NT5DC2: variants seen among roughly 807,000 people sequenced by gnomAD.
The protein encoded by NT5DC2 is 5'-nucleotidase domain containing 2.
NT5DC2 carries 41 observed loss-of-function variants against 70.0 expected under a neutral mutation model. That is an observed-to-expected ratio of 0.59 (90% CI 0.46 to 0.76). The LOEUF (loss-of-function observed/expected upper bound fraction) is 0.76. Ranked by LOEUF, NT5DC2 falls within the 30% of genes least tolerant of loss-of-function variation. NT5DC2 has a pLI of 0.00. For missense variants in NT5DC2, 705 were observed against 783.2 expected (o/e 0.90, Z 1.19); for synonymous variants, 299 against 310.4 (o/e 0.96, Z 0.39).
intron 9 of NT5DC2, 103 bp downstream of exon 9, chr3:52,527,513 TG>T: frequency 6.9e-7 from 1 of 1,459,790 alleles, no homozygotes; most frequent in African/African-American, 1.4e-5. Flanking sequence ...CCAAGCACAT[TG>T]GGCAGTGGGC....
Position 52,524,665 on chromosome 3 carries a change from G to A in NT5DC2, c.1479C>T (p.Thr493=). Residue 493 remains threonine (T), a synonymous_variant, in exon 14 of 14, where the codon ACC becomes ACT. Transcript: ENST00000422318. ...AGCGCACGAGGCGCCTTGAGAAGTA[G>A]GTGGGGTTGTGGAAGGTGCGGAAGA... The part of the protein sequence containing the change: ...GSIFRTFHNP[T]YFSRRLVRFS... The A allele has an allele frequency of 6.2e-7, 1 of 1,613,040 alleles. No homozygotes were observed.
rs2079303868 is a variant in NT5DC2, at chr3:52,528,010, T to G, written c.832+3A>C. Reference sequence around the variant, plus strand: ...CCACGGCAGGGCTTCTGTCCACACTTACCCATGTCCTGCTCGATCCACTGG... The same window carrying G: ...CCACGGCAGGGCTTCTGTCCACACTGACCCATGTCCTGCTCGATCCACTGG... On this transcript the variant is annotated splice_donor_region_variant and intron_variant, in intron 7 of 13. Transcript: ENST00000422318. 1 of 1,612,464 alleles carries G rather than the reference T, an allele frequency of 6.2e-7. No homozygotes were observed. The highest frequency in any genetic ancestry group is 8.5e-7 in the Non-Finnish European group (1 of 1,179,688).
In NT5DC2 at chr3:52,527,372, A is replaced by G. The variant is rs754399328; in HGVS notation, c.1041T>C (p.Pro347=). Residue 347 remains proline (P), a synonymous_variant, in exon 10 of 14, where the codon CCT becomes CCC. Transcript: ENST00000422318. The part of the protein sequence containing the change: ...KPSFFTDRRK[P]FRKLDEKGSL... ...AGCCCTTCTCATCGAGTTTTCTGAAAGGCCTGGGGTGCAGGTAAAGGGCAT... is the reference window on the plus strand; with the variant it reads ...AGCCCTTCTCATCGAGTTTTCTGAAGGGCCTGGGGTGCAGGTAAAGGGCAT... The G allele has an allele frequency of 9.3e-6, 15 of 1,614,112 alleles. No individual in the cohort carries two copies. The highest frequency in any genetic ancestry group is 1.3e-5 in the Non-Finnish European group (15 of 1,180,002).
chr3:52,534,170 C>T, upstream of NT5DC2: 1 of 324,566 alleles, frequency 3.1e-6, no homozygotes, highest in Non-Finnish European at 5.8e-6. Context: ...GCCCCCGGGT[C>T]CTCTGCCGCC....
rs1395226749 is a variant in NT5DC2 at position 52,528,093 on chromosome 3, A to G, written c.772-20T>C. The G allele has an allele frequency of 2.5e-6, 4 of 1,612,758 alleles. No homozygotes were observed. The highest frequency in any genetic ancestry group is 1.6e-4 in the Middle Eastern group (1 of 6,084). ...GGCGTCCTGGGGGCAGTGGAGGACA[A>G]TGAGGGTACAGCAGGGCCCAGGTGG... On this transcript the variant is annotated intron_variant, in intron 6 of 13. Coordinates refer to ENST00000422318, the MANE Select transcript of NT5DC2 (RefSeq NM_001134231.2).
In NT5DC2 at chr3:52,529,206, C is replaced by G; in HGVS notation, c.361G>C (p.Ala121Pro). The change falls in exon 2 of 14, where the codon GCA becomes CCA. Residue 121 changes from alanine to proline, a missense_variant. Ala to Pro is a conservative substitution (Grantham distance 27). Transcript: ENST00000422318. The surrounding 1 kb of genome is among the most constrained non-coding windows in gnomAD (Gnocchi z 4.1). ...YDYTLAQYAD[A>P]LHPEIFSTAR... Reference sequence around the variant, plus strand: ...GTACTGAAGATCTCGGGGTGCAGTGCGTCTGCATACTGGGCCAGGGTGTAG... The same window carrying G: ...GTACTGAAGATCTCGGGGTGCAGTGGGTCTGCATACTGGGCCAGGGTGTAG... 1 of 1,614,040 alleles carries G rather than the reference C, an allele frequency of 6.2e-7. No individual in the cohort carries two copies. Among genetic ancestry groups the G allele is most frequent in the South Asian group, 1.1e-5 (1 of 91,078 alleles).
At chr3:52,534,602 G>A, upstream of NT5DC2, 1 of 1,613,940 alleles carries the variant, frequency 6.2e-7, no homozygotes, top group African/African-American at 1.3e-5. Flanking sequence ...AACGTCGACA[G>A]GCTTTCCAAC....
In NT5DC2 at chr3:52,524,944, C is replaced by T. The variant is rs1218872721; in HGVS notation, c.1347+19G>A. ...GGAGGCTACCGCCCTGGCCCTCCCA[C>T]AGCCACCCCGGCCCACACCTGCATG... On this transcript the variant is annotated intron_variant, in intron 12 of 13. Coordinates refer to ENST00000422318, the MANE Select transcript of NT5DC2 (RefSeq NM_001134231.2). The T allele has an allele frequency of 1.9e-6, 3 of 1,612,380 alleles. No homozygotes were observed. The highest frequency in any genetic ancestry group is 2.2e-5 in the South Asian group (2 of 91,052).
upstream of NT5DC2, chr3:52,534,188 C>A: frequency 5.5e-6 from 2 of 360,466 alleles, no homozygotes; most frequent in Non-Finnish European, 1.0e-5. Context: ...GCCCTCTCCG[C>A]TCCCGGGTCC....
chr3:52,532,496 C>T, intron 1 of NT5DC2: 1 of 985,434 alleles, frequency 1.0e-6, no homozygotes, highest in Non-Finnish European at 1.2e-6. Context: ...GATTCTCCGC[C>T]ACCCCACAAA....
chr3:52,532,553 GGCTA>G (rs2079375095), intron 1 of NT5DC2: 1 of 972,266 alleles, frequency 1.0e-6, no homozygotes, highest in South Asian at 4.8e-5. Flanking sequence ...TTCCAGACAG[GGCTA>G]CTTTGTTTTA....
intron 1 of NT5DC2, chr3:52,532,558 CTTTGT>C (rs1448645004): frequency 9.3e-6 from 9 of 968,632 alleles, no homozygotes; most frequent in East Asian, 2.3e-4. Context: ...GACAGGGCTA[CTTTGT>C]TTTATCAGAC....
At chr3:52,534,720 G>A, upstream of NT5DC2, 1 of 1,547,744 alleles carries the variant, frequency 6.5e-7, no homozygotes, top group South Asian at 1.2e-5. Flanking sequence ...TCCGGAGGAG[G>A]CCGACCCAGT....
intron 1 of NT5DC2, among the ~76,000 whole-genome samples, chr3:52,532,685 A>G (rs1194149476): frequency 6.6e-6 from 1 of 152,010 alleles, no homozygotes; most frequent in Non-Finnish European, 1.5e-5. Context: ...ACTGCGTTTC[A>G]TGCTTGAGAG....
intron 10 of NT5DC2, among the ~76,000 whole-genome samples, chr3:52,527,082 T>C (rs1002908351): frequency 3.9e-5 from 6 of 151,956 alleles, no homozygotes; most frequent in African/African-American, 1.5e-4. Context: ...CTCTGCTGAG[T>C]AGTGGAGTTA....
chr3:52,534,401 G>A, upstream of NT5DC2: 2 of 1,472,386 alleles, frequency 1.4e-6, no homozygotes, highest in Non-Finnish European at 1.9e-6. Context: ...CCAGGCCCAC[G>A]CTGGGGGAGG....
intron 10 of NT5DC2, among the ~76,000 whole-genome samples, chr3:52,527,020 T>A (rs1220089049): frequency 6.6e-6 from 1 of 152,128 alleles, no homozygotes; most frequent in Non-Finnish European, 1.5e-5. Context: ...TTACACCTCT[T>A]TTGCAGACAA....
At chr3:52,534,762 G>C (rs1487310149), upstream of NT5DC2, 1 of 1,448,466 alleles carries the variant, frequency 6.9e-7, no homozygotes, top group African/African-American at 1.4e-5. Context: ...GGAGCCAGCT[G>C]GGCGCGCGTT....
At chr3:52,527,477 C>A in intron 9 of NT5DC2, 102 bp from the exon 10 acceptor site, 1 of 1,473,840 alleles carries the variant, frequency 6.8e-7, no homozygotes, top group Non-Finnish European at 9.4e-7. Flanking sequence ...CAAGTGGACC[C>A]ATGCCAGCAA....
Sources: gnomAD v4.1 joint callset for allele counts (sites outside exome capture counted in the v4.1 genomes callset) on GRCh38, gnomAD v4.1.1 for gene constraint, Gnocchi (gnomAD v3.1) non-coding constraint, MANE v1.5 for transcripts, NCBI Gene and HGNC (gene_info 2026-07-23, HGNC 2026-07-21) for gene names.